Variants in ATM observed in about 807,000 individuals in gnomAD.
The protein encoded by ATM is serine-protein kinase ATM.
In ATM, 308 loss-of-function variants were observed where a neutral mutation model predicts 387.0. The ratio of observed to expected loss-of-function variants is 0.80; its 90% CI spans 0.73 to 0.87. The LOEUF (loss-of-function observed/expected upper bound fraction) is 0.87, where lower values mean the gene tolerates loss of function less well. ATM is among the 40% of genes least tolerant of loss of function. The pLI is 0.00. For synonymous variants in ATM, 1,156 were observed against 1,187.3 expected (o/e 0.97, Z 0.54); for missense variants, 3,312 against 3,560.9 (o/e 0.93, Z 1.78).
Position 108,289,641 on chromosome 11 carries a change from GC to G in ATM, c.4277del (p.Ala1426GlufsTer25). On this transcript the variant is annotated frameshift_variant, in exon 29 of 63. Coordinates refer to ENST00000675843, the MANE Select transcript of ATM (RefSeq NM_000051.4). LOFTEE classifies it high-confidence loss of function. ...AATTCTTCTTGCCATATGTGAGCAA[GC>G]AGCTGAAACAAATAATGTTTATAAG... ...QKILLAICEQ[A>X]AETNNVYKKH... 6.2e-7 allele frequency: 1 copy of G among 1,610,676 alleles called. No individual in the cohort carries two copies. The highest frequency in any genetic ancestry group is 8.5e-7 in the Non-Finnish European group (1 of 1,178,724).
chr11:108,303,882 T>G (rs184745709), intron 36 of ATM, among the ~76,000 whole-genome samples: 1 of 152,312 alleles, frequency 6.6e-6, no homozygotes, highest in Admixed American at 6.5e-5. Flanking sequence ...AATATACATA[T>G]GTACACACCC....
chr11:108,297,094 A>C (rs2083163215), intron 32 of ATM, 193 bp from the exon 33 acceptor site: 1 of 573,370 alleles, frequency 1.7e-6, no homozygotes, highest in African/African-American at 1.9e-5. Context: ...ATTGCTAATC[A>C]CTTTCAAAAG....
At chr11:108,308,908 T>C (rs949354278) in intron 38 of ATM, 1 of 958,438 alleles carries the variant, frequency 1.0e-6, no homozygotes, top group Admixed American at 2.0e-5. Context: ...TTTAATGTAG[T>C]GGAGAGCATT....
chr11:108,312,618 C>A, intron 40 of ATM, 120 bp downstream of exon 40: 1 of 713,894 alleles, frequency 1.4e-6, no homozygotes, highest in South Asian at 1.7e-5. Flanking sequence ...CTGGACTAAG[C>A]ATCATATATA....
At chr11:108,287,467 T>C in intron 26 of ATM, 133 bp from the exon 27 acceptor site, 1 of 577,438 alleles carries the variant, frequency 1.7e-6, no homozygotes, top group Non-Finnish European at 3.0e-6. Flanking sequence ...TTGTAAATCT[T>C]GGACTTTGAG....
chr11:108,266,998 G>A (rs1591586125), intron 16 of ATM, among the ~76,000 whole-genome samples, 173 bp from the exon 17 acceptor site: 1 of 152,016 alleles, frequency 6.6e-6, no homozygotes, highest in Non-Finnish European at 1.5e-5. Context: ...GTTTCACCAT[G>A]TTGGCCAGGC....
intron 16 of ATM, among the ~76,000 whole-genome samples, chr11:108,263,204 A>T (rs2081014687): frequency 7.0e-6 from 1 of 142,922 alleles, no homozygotes; most frequent in African/African-American, 2.6e-5. Context: ...ACCACACCAC[A>T]CCTATTCCAA....
Position 108,345,821 on chromosome 11 carries a change from T to C in ATM, c.8497T>C (p.Tyr2833His), listed in dbSNP as rs774171813. 1.9e-6 allele frequency: 3 copies of C among 1,613,814 alleles called. No individual in the cohort carries two copies. Among genetic ancestry groups the C allele is most frequent in the Non-Finnish European group, 2.5e-6 (3 of 1,179,866 alleles). The change falls in exon 58 of 63, where the codon TAC (tyrosine) becomes CAC (histidine). Residue 2833 changes from tyrosine (Y) to histidine (H), a missense_variant. This residue lies in a region of ATM where 1,405 missense variants were observed against 1,604.4 expected (regional missense o/e 0.88). Transcript: ENST00000675843. ...CCAAAATTTTCAACCAGTTTTCCGTTACTTCTGCATGGAAAAATTCTTGGA... is the reference window on the plus strand; with the variant it reads ...CCAAAATTTTCAACCAGTTTTCCGTCACTTCTGCATGGAAAAATTCTTGGA... ...VCQNFQPVFR[Y>H]FCMEKFLDPA... is the part of the protein sequence containing the mutation.
intron 59 of ATM, among the ~76,000 whole-genome samples, chr11:108,349,853 G>A (rs1410682831): frequency 6.6e-6 from 1 of 152,150 alleles, no homozygotes; most frequent in African/African-American, 2.4e-5. Context: ...AAATCATAAA[G>A]TACGTGAGTC....
chr11:108,292,682 G>A lies in ATM; in HGVS notation c.4500G>A (p.Gln1500=), dbSNP rs1345605814. 2 of 1,613,596 alleles carry A rather than the reference G, an allele frequency of 1.2e-6. No individual in the cohort carries two copies. Among genetic ancestry groups the A allele is most frequent in the African/African-American group, 2.7e-5 (2 of 74,808 alleles). The change falls in exon 30 of 63, where the codon CAG becomes CAA. Residue 1500 remains glutamine, a synonymous_variant. Coordinates refer to ENST00000675843, the MANE Select transcript of ATM (RefSeq NM_000051.4). ...CCCTTTGTTGTGACTTATTAAGTCA[G>A]GTTTGCCAGACAGCCGTGACTTACT... ...SFSLCCDLLS[Q]VCQTAVTYCK... is the part of the protein sequence containing the mutation.
chr11:108,327,326 G>A (rs1182700350), intron 47 of ATM: 1 of 314,496 alleles, frequency 3.2e-6, no homozygotes, highest in Non-Finnish European at 6.1e-6. Context: ...GGTAATAATA[G>A]TACTTATTTA....
intron 55 of ATM, among the ~76,000 whole-genome samples, chr11:108,335,475 G>A (rs929697254): frequency 6.6e-6 from 1 of 152,136 alleles, no homozygotes; most frequent in Non-Finnish European, 1.5e-5. Context: ...TGTGCCAAGT[G>A]CTATTTAATG....
At chr11:108,255,466 C>G (rs1382752829) in intron 13 of ATM, among the ~76,000 whole-genome samples, 1 of 147,768 alleles carries the variant, frequency 6.8e-6, no homozygotes, top group East Asian at 2.0e-4. Flanking sequence ...TGCTCTGTTG[C>G]CCAGGCTGGA....
chr11:108,303,129 A>C, intron 36 of ATM, 100 bp downstream of exon 36: 1 of 1,181,742 alleles, frequency 8.5e-7, no homozygotes, highest in Admixed American at 2.1e-5. Flanking sequence ...TATCACCCCC[A>C]CTCAAACTGT....
Position 108,293,896 on chromosome 11 carries a change from T to A in ATM, c.4776+419T>A, listed in dbSNP as rs946398800. On this transcript the variant is annotated intron_variant, in intron 31 of 62. Coordinates refer to ENST00000675843, the MANE Select transcript of ATM (RefSeq NM_000051.4). Reference sequence around the variant, plus strand: ...CTGTCTCAAAAAAAAAAAAAAAAAATATATATATATATATATATATATATG... The same window carrying A: ...CTGTCTCAAAAAAAAAAAAAAAAAAAATATATATATATATATATATATATG... 7.4e-3 allele frequency among the ~76,000 whole-genome samples: 843 copies of A among 114,378 alleles called. 1 individual carries two copies. Among genetic ancestry groups the A allele is most frequent in the Non-Finnish European group, 9.8e-3 (552 of 56,514 alleles). The allele number at this position is 114,378 out of a possible 152,430, so 75.0% of individuals were successfully genotyped here.
chr11:108,244,072 A>C lies in ATM; in HGVS notation c.616A>C (p.Asn206His), dbSNP rs587781829. The change falls in exon 6 of 63, where the codon AAT becomes CAT. Residue 206 changes from asparagine to histidine, a missense_variant. Transcript: ENST00000675843. ...ATGCTGTTCTCAGACTGACGGATTAAATTCCAAATTTTTGGACTTTTTTTC... is the reference window on the plus strand; with the variant it reads ...ATGCTGTTCTCAGACTGACGGATTACATTCCAAATTTTTGGACTTTTTTTC... ...KGCCSQTDGL[N>H]SKFLDFFSKA... is the part of the protein sequence containing the mutation. 1.1e-5 allele frequency: 17 copies of C among 1,613,870 alleles called. No individual in the cohort carries two copies. The highest frequency in any genetic ancestry group is 1.4e-5 in the Non-Finnish European group (16 of 1,179,904).
chr11:108,297,282 T>C lies in ATM; in HGVS notation c.4910-5T>C, dbSNP rs1309478967. The C allele has an allele frequency of 2.5e-6, 4 of 1,612,766 alleles. No homozygotes were observed. Among genetic ancestry groups the C allele is most frequent in the African/African-American group, 2.7e-5 (2 of 74,914 alleles). On this transcript the variant is annotated splice_region_variant and splice_polypyrimidine_tract_variant and intron_variant, in intron 32 of 62. Coordinates refer to ENST00000675843, the MANE Select transcript of ATM (RefSeq NM_000051.4). ...TTAAACTAATTTTTAAAAAATTATTTCTAGATAATCCGCAAGATGGGATTA... is the reference window on the plus strand; with the variant it reads ...TTAAACTAATTTTTAAAAAATTATTCCTAGATAATCCGCAAGATGGGATTA...
intron 40 of ATM, 72 bp downstream of exon 40, chr11:108,312,570 G>A (rs2084268901): frequency 2.8e-6 from 3 of 1,066,532 alleles, no homozygotes; most frequent in Admixed American, 1.9e-5. Context: ...TATAGACACT[G>A]TACAGATGCC....
rs369583811 is a variant in ATM, at chr11:108,366,029, C to CAAAA, written c.*537_*540dup. ...GGGTGACAAGAGCGAAACTCCATCT[C>CAAAA]AAAAAAAAAAAAAAAAAAACAGAAA... On this transcript the variant is annotated 3_prime_UTR_variant, in exon 63 of 63. Transcript: ENST00000675843. The CAAAA allele has an allele frequency of 3.0e-5, 3 of 100,474 alleles. No individual in the cohort carries two copies. Among genetic ancestry groups the CAAAA allele is most frequent in the East Asian group, 3.6e-4 (2 of 5,558 alleles). 6.2% of individuals were successfully genotyped at this position (100,474 alleles called of 1,614,324 possible).
Sources: allele counts gnomAD v4.1 joint callset (sites outside exome capture counted in the v4.1 genomes callset), GRCh38; gene constraint gnomAD v4.1.1; regional missense constraint gnomAD v4.1.1; transcripts MANE v1.5; gene names NCBI Gene and HGNC (gene_info 2026-07-23, HGNC 2026-07-21).